Variants in PCDHGA12 observed in about 807,000 individuals in gnomAD.
PCDHGA12 encodes protocadherin gamma subfamily A, 12.
A neutral mutation model predicts 61.1 loss-of-function variants in PCDHGA12; 43 were observed. That is an observed-to-expected ratio of 0.70 (90% CI 0.55 to 0.91). The LOEUF (loss-of-function observed/expected upper bound fraction) is 0.91. Among genes scored for constraint, PCDHGA12 ranks in the 40% least tolerant of loss-of-function variants. PCDHGA12 has a pLI of 0.00. For missense variants in PCDHGA12, 1,236 were observed against 1,227.7 expected (o/e 1.01, Z -0.10); for synonymous variants, 520 against 542.9 (o/e 0.96, Z 0.59).
chr5:141,511,823 G>A lies in PCDHGA12; in HGVS notation c.*650G>A, dbSNP rs1490513046. On this transcript the variant is annotated 3_prime_UTR_variant, in exon 4 of 4. Transcript: ENST00000252085. ...TTTTGCTACCAAGCCTCTTCCCAACGCCCTGGGGACCAGTCTTCTGTTTTG... is the reference window on the plus strand; with the variant it reads ...TTTTGCTACCAAGCCTCTTCCCAACACCCTGGGGACCAGTCTTCTGTTTTG... 4 of 156,728 alleles carry A rather than the reference G, an allele frequency of 2.6e-5. No homozygotes were observed. The highest frequency in any genetic ancestry group is 3.2e-3 in the Middle Eastern group (1 of 316). 9.7% of individuals were successfully genotyped at this position (156,728 alleles called of 1,614,324 possible). A position where few individuals can be genotyped will look rare whatever the true frequency, so the allele number is the denominator to read the frequency against.
In PCDHGA12 at chr5:141,490,925, C is replaced by T; in HGVS notation, c.2425-3882C>T. 1 of 1,613,688 alleles carries T rather than the reference C, an allele frequency of 6.2e-7. No homozygotes were observed. The highest frequency in any genetic ancestry group is 8.5e-7 in the Non-Finnish European group (1 of 1,179,700). On this transcript the variant is annotated intron_variant, in intron 1 of 3. Coordinates refer to ENST00000252085, the MANE Select transcript of PCDHGA12 (RefSeq NM_003735.3). The surrounding 1 kb of genome is among the most constrained non-coding windows in gnomAD (Gnocchi z 5.4). ...GTCCTAGACGAGAATGATAATGCCC[C>T]AGCTGTGCTGCACCCACGGCCAGAC... is the stretch of plus-strand genomic sequence containing the variant.
rs746913952 is a variant in PCDHGA12, at chr5:141,432,898, G to A, written c.2139G>A (p.Ala713=). The A allele has an allele frequency of 1.2e-6, 2 of 1,614,174 alleles. No homozygotes were observed. Among genetic ancestry groups the A allele is most frequent in the South Asian group, 1.1e-5 (1 of 91,090 alleles). Residue 713 remains alanine (A), a synonymous_variant, in exon 1 of 4, where the codon GCG becomes GCA. Transcript: ENST00000252085. This position sits in a 1 kb window ranked among gnomAD's most constrained non-coding sequence, Gnocchi z 6.0. ...VFLAFVILLL[A]LRLRRWHKSR... is the part of the protein sequence containing the mutation. ...TGGCCTTCGTCATCTTGCTGCTGGC[G>A]CTCAGGCTGCGGCGCTGGCACAAGT...
Position 141,430,643 on chromosome 5 carries a change from T to C in PCDHGA12, c.-117T>C, listed in dbSNP as rs1432236231. The C allele has an allele frequency of 2.1e-6, 2 of 947,068 alleles. No homozygotes were observed. The highest frequency in any genetic ancestry group is 3.0e-6 in the Non-Finnish European group (2 of 660,128). The allele number at this position is 947,068 out of a possible 1,614,324, so 58.7% of individuals were successfully genotyped here. Reference sequence around the variant, plus strand: ...TAGGAATGAACCATCCCTGGGAGTATGTGGAAACAACGGAGGAGCTCTGAC... The same window carrying C: ...TAGGAATGAACCATCCCTGGGAGTACGTGGAAACAACGGAGGAGCTCTGAC... On this transcript the variant is annotated 5_prime_UTR_variant, in exon 1 of 4. An upstream start codon of the reference 5' UTR is lost. Coordinates refer to ENST00000252085, the MANE Select transcript of PCDHGA12 (RefSeq NM_003735.3).
At chr5:141,456,574 T>G (rs373414652) in intron 1 of PCDHGA12, among the ~76,000 whole-genome samples, 3 of 152,198 alleles carry the variant, frequency 2.0e-5, no homozygotes, top group South Asian at 4.1e-4. Flanking sequence ...ACATTTTCCC[T>G]GAGCCTGTCA....
chr5:141,505,590 A>G, intron 3 of PCDHGA12, 109 bp downstream of exon 3: 1 of 1,571,996 alleles, frequency 6.4e-7, no homozygotes, highest in East Asian at 2.3e-5. Context: ...TAGTTTCTCC[A>G]GATCTTTCGG....
At chr5:141,501,569 G>A (rs1401631416) in intron 2 of PCDHGA12, among the ~76,000 whole-genome samples, 3 of 151,998 alleles carry the variant, frequency 2.0e-5, no homozygotes, top group African/African-American at 7.2e-5. Flanking sequence ...AATCATATTA[G>A]GCTGGCTTTC....
chr5:141,475,929 C>A, intron 1 of PCDHGA12: 1 of 634,624 alleles, frequency 1.6e-6, no homozygotes, highest in Non-Finnish European at 2.7e-6. Context: ...GGAGATCGGG[C>A]CCCTGCCCGT....
At chr5:141,505,673 G>C (rs1389292278) in intron 3 of PCDHGA12, among the ~76,000 whole-genome samples, 192 bp downstream of exon 3, 1 of 152,178 alleles carries the variant, frequency 6.6e-6, no homozygotes, top group East Asian at 1.9e-4. Context: ...AGGGGTTGGG[G>C]GTCCTGGGAT....
intron 1 of PCDHGA12, among the ~76,000 whole-genome samples, chr5:141,452,745 G>A (rs1246578948): frequency 6.6e-6 from 1 of 152,054 alleles, no homozygotes; most frequent in African/African-American, 2.4e-5. Flanking sequence ...AGAGAGAGAA[G>A]GAAGAAGGAA....
intron 1 of PCDHGA12, among the ~76,000 whole-genome samples, chr5:141,464,370 T>C (rs1239284694): frequency 6.6e-6 from 1 of 151,828 alleles, no homozygotes. Context: ...CCAATATTTT[T>C]GCAATATAAA....
In PCDHGA12 at chr5:141,432,293, G is replaced by A; in HGVS notation, c.1534G>A (p.Gly512Arg). The change falls in exon 1 of 4, where the codon GGG (glycine) becomes AGG (arginine). Residue 512 changes from glycine to arginine, a missense_variant. Transcript: ENST00000252085. The surrounding 1 kb of genome is among the most constrained non-coding windows in gnomAD (Gnocchi z 6.0). ...SSYVSINSDT[G>R]VLYALSSFDY... is the part of the protein sequence containing the mutation. ...CTACGTGTCCATCAACTCCGACACT[G>A]GGGTACTGTATGCGCTGAGCTCCTT... 1 of 1,614,254 alleles carries A rather than the reference G, an allele frequency of 6.2e-7. No homozygotes were observed. Among genetic ancestry groups the A allele is most frequent in the Non-Finnish European group, 8.5e-7 (1 of 1,180,040 alleles).
chr5:141,450,937 A>G (rs1011608521), intron 1 of PCDHGA12, among the ~76,000 whole-genome samples: 1 of 148,134 alleles, frequency 6.8e-6, no homozygotes, highest in African/African-American at 2.5e-5. Flanking sequence ...CAATTCTCCT[A>G]CCTCAGCCTC....
intron 1 of PCDHGA12, chr5:141,441,678 G>A (rs952726158): frequency 3.4e-6 from 1 of 292,424 alleles, no homozygotes; most frequent in Non-Finnish European, 6.7e-6. Flanking sequence ...GTGCGCCTTC[G>A]ACCAAGAGCA....
intron 1 of PCDHGA12, among the ~76,000 whole-genome samples, chr5:141,470,624 A>G (rs1421700811): frequency 6.6e-6 from 1 of 152,220 alleles, no homozygotes; most frequent in Non-Finnish European, 1.5e-5. Flanking sequence ...TCATGCTTAG[A>G]TAGGCCCCCT....
intron 1 of PCDHGA12, among the ~76,000 whole-genome samples, chr5:141,464,882 A>T (rs1418376370): frequency 6.6e-6 from 1 of 151,918 alleles, no homozygotes; most frequent in Middle Eastern, 3.2e-3. Context: ...AGGACTACAG[A>T]TGGATGCCAC....
rs1332652972 is a variant in PCDHGA12, at chr5:141,432,381, C to T, written c.1622C>T (p.Pro541Leu). Residue 541 changes from proline (P) to leucine (L), a missense_variant, in exon 1 of 4, where the codon CCC (proline) becomes CTC (leucine). Physicochemically the swap from Pro to Leu is moderately conservative, Grantham distance 98 (BLOSUM62 -3). Transcript: ENST00000252085. The surrounding 1 kb of genome is among the most constrained non-coding windows in gnomAD (Gnocchi z 6.0). ...KVMARDNGHP[P>L]LSSNVSLSLF... ...ATGGCGCGGGACAACGGGCACCCGCCCCTCAGCAGCAACGTGTCGTTGAGC... is the reference window on the plus strand; with the variant it reads ...ATGGCGCGGGACAACGGGCACCCGCTCCTCAGCAGCAACGTGTCGTTGAGC... 1 of 1,614,256 alleles carries T rather than the reference C, an allele frequency of 6.2e-7. No homozygotes were observed. The highest frequency in any genetic ancestry group is 1.1e-5 in the South Asian group (1 of 91,082).
In PCDHGA12 at chr5:141,491,419, G is replaced by A. The variant is rs1422517367; in HGVS notation, c.2425-3388G>A. On this transcript the variant is annotated intron_variant, in intron 1 of 3. Coordinates refer to ENST00000252085, the MANE Select transcript of PCDHGA12 (RefSeq NM_003735.3). This position sits in a 1 kb window ranked among gnomAD's most constrained non-coding sequence, Gnocchi z 6.9. ...GGGAAACGCAGACGGGGACGGGGGT[G>A]GAGGGCAGTGCTGCAGGCGCCAGGA... 1 of 1,614,124 alleles carries A rather than the reference G, an allele frequency of 6.2e-7. No individual in the cohort carries two copies.
chr5:141,476,979 G>T lies in PCDHGA12; in HGVS notation c.2425-17828G>T. The T allele has an allele frequency of 1.2e-6, 2 of 1,614,238 alleles. No individual in the cohort carries two copies. The highest frequency in any genetic ancestry group is 1.7e-6 in the Non-Finnish European group (2 of 1,180,042). The stretch of plus-strand genomic sequence containing the variant: ...ATTTACTCCTTCGGCAGCCACAACC[G>T]CGCCGGCGTGCGGCAACTATTCGCC... On this transcript the variant is annotated intron_variant, in intron 1 of 3. Coordinates refer to ENST00000252085, the MANE Select transcript of PCDHGA12 (RefSeq NM_003735.3). This position sits in a 1 kb window ranked among gnomAD's most constrained non-coding sequence, Gnocchi z 7.6.
At chr5:141,463,728 G>C (rs957615020) in intron 1 of PCDHGA12, among the ~76,000 whole-genome samples, 3 of 152,066 alleles carry the variant, frequency 2.0e-5, no homozygotes, top group African/African-American at 7.2e-5. Context: ...TTACAGGCAT[G>C]AGCCACCGCG....
Sources: allele counts gnomAD v4.1 joint callset (sites outside exome capture counted in the v4.1 genomes callset), GRCh38; gene constraint gnomAD v4.1.1; non-coding constraint Gnocchi (gnomAD v3.1); transcripts MANE v1.5; gene names NCBI Gene and HGNC (gene_info 2026-07-23, HGNC 2026-07-21).